HMCN1: variants seen among roughly 807,000 people sequenced by gnomAD.
The protein encoded by HMCN1 is hemicentin 1.
Under a neutral mutation model 625.9 loss-of-function variants are expected in HMCN1, and 321 were observed. The ratio of observed to expected loss-of-function variants is 0.51; its 90% CI spans 0.47 to 0.56. The LOEUF is 0.56. HMCN1 is among the 20% of genes least tolerant of loss of function. HMCN1 has a pLI of 0.00. For synonymous variants in HMCN1, 2,425 were observed against 2,417.6 expected, an observed-to-expected ratio of 1.00 and a Z score of -0.09; for missense variants, 6,588 against 6,887.3, an observed-to-expected ratio of 0.96 and a Z score of 1.54.
chr1:186,154,691 A>G lies in HMCN1; in HGVS notation c.15256+704A>G, dbSNP rs572306481. ...CCTAAACTAGTCAAAAAGAATTTCT[A>G]TATTTTAAAAGCAGCTTTTTAAAAC... On this transcript the variant is annotated intron_variant, in intron 97 of 106. Coordinates refer to ENST00000271588, the MANE Select transcript of HMCN1 (RefSeq NM_031935.3). Among the ~76,000 whole-genome samples, 5 of 152,328 alleles carry G rather than the reference A, an allele frequency of 3.3e-5. No individual in the cohort carries two copies. The East Asian group carries it at 9.7e-4, about 29-fold the overall frequency.
chr1:185,941,025 G>A (rs1161316047), intron 11 of HMCN1, among the ~76,000 whole-genome samples: 2 of 152,126 alleles, frequency 1.3e-5, no homozygotes, highest in African/African-American at 4.8e-5. Context: ...GCCTCCCAAG[G>A]TGTGTATTTT....
At chr1:186,006,337 A>G (rs889746825) in intron 29 of HMCN1, among the ~76,000 whole-genome samples, 3 of 152,150 alleles carry the variant, frequency 2.0e-5, no homozygotes, top group Admixed American at 2.0e-4. Flanking sequence ...TATGTGGCTA[A>G]GTCATTGCAA....
chr1:185,734,731 G>C lies in HMCN1; in HGVS notation c.-49G>C, dbSNP rs374329749. 28 of 1,592,384 alleles carry C rather than the reference G, an allele frequency of 1.8e-5. No homozygotes were observed. In the African/African-American group the frequency reaches 3.2e-4, roughly 18 times the overall value. On this transcript the variant is annotated 5_prime_UTR_variant, in exon 1 of 107. Transcript: ENST00000271588. ...TCTGCCTGTTGTTGAGGAGGACTGA[G>C]CACAGTGCTTAGGCGCTGAGGGGGA... is the stretch of plus-strand genomic sequence containing the variant.
At chr1:186,173,640 CAAAAAAAAAAAAAAAGAAA>C (rs1232746472) in intron 102 of HMCN1, among the ~76,000 whole-genome samples, 1 of 74,700 alleles carries the variant, frequency 1.3e-5, no homozygotes, top group Non-Finnish European at 2.6e-5. Context: ...GACTCCATCT[CAAAAAAAAAAAAAAAGAAA>C]AAAGAAAAAA....
intron 11 of HMCN1, among the ~76,000 whole-genome samples, chr1:185,940,575 A>T (rs987485289): frequency 2.0e-5 from 3 of 152,334 alleles, no homozygotes; most frequent in Admixed American, 6.5e-5. Flanking sequence ...TCTTTGTGCA[A>T]ACTTGGCCTT....
intron 53 of HMCN1, 24 bp downstream of exon 53, chr1:186,074,915 A>G (rs1307790280): frequency 3.9e-6 from 6 of 1,551,348 alleles, no homozygotes; most frequent in South Asian, 1.1e-5. Flanking sequence ...CTTATTGTAT[A>G]TAATGTAATT....
Position 186,128,096 on chromosome 1 carries a change from T to A in HMCN1, c.12709T>A (p.Tyr4237Asn). The A allele has an allele frequency of 6.2e-7, 1 of 1,613,502 alleles. No homozygotes were observed. Among genetic ancestry groups the A allele is most frequent in the East Asian group, 2.2e-5 (1 of 44,856 alleles). ...ENVVLEDSGF[Y>N]TCVANNAAGE... ...ATTTTAGCTGGAGGATTCTGGCTTC[T>A]ATACCTGTGTTGCTAACAATGCTGC... Residue 4237 changes from tyrosine to asparagine, a missense_variant, in exon 83 of 107, where the codon TAT becomes AAT. By Grantham distance (143) the Tyr-to-Asn change is moderately radical (BLOSUM62 -2). Around this residue, in one of 3 missense-constraint regions of HMCN1, gnomAD observed 1,954 missense variants for 2,013.1 expected, o/e 0.97. Coordinates refer to ENST00000271588, the MANE Select transcript of HMCN1 (RefSeq NM_031935.3).
At chr1:185,805,884 C>T (rs1285778822) in intron 1 of HMCN1, among the ~76,000 whole-genome samples, 1 of 152,102 alleles carries the variant, frequency 6.6e-6, no homozygotes, top group East Asian at 1.9e-4. Context: ...CTAATCATTA[C>T]CATTTGGTGC....
chr1:186,011,087 C>T (rs1247784665), intron 30 of HMCN1, among the ~76,000 whole-genome samples: 1 of 151,966 alleles, frequency 6.6e-6, no homozygotes, highest in Non-Finnish European at 1.5e-5. Flanking sequence ...TCGCTGTCAC[C>T]CAGGCTGGAG....
intron 30 of HMCN1, among the ~76,000 whole-genome samples, chr1:186,012,125 G>GA (rs34706091): frequency 0.4 from 60,405 of 151,644 alleles, 13,062 homozygotes; most frequent in Non-Finnish European, 0.48. Context: ...AATGACACCT[G>GA]ATCTTTTACA....
intron 1 of HMCN1, among the ~76,000 whole-genome samples, chr1:185,772,714 C>T (rs1014991511): frequency 2.0e-5 from 3 of 151,882 alleles, no homozygotes; most frequent in African/African-American, 7.3e-5. Context: ...TCCATTTGTG[C>T]TGCTATAACA....
rs750279031 is a variant in HMCN1, at chr1:186,090,786, T to A, written c.9756T>A (p.Ile3252=). ...QVPPSVAGAE[I]PSDVSVLLGE... ...CTCCAAGTGTTGCTGGTGCTGAAAT[T>A]CCAAGTGATGTCAGTGTCCTTCTAG... Residue 3252 remains isoleucine (I), a synonymous_variant, in exon 64 of 107, where the codon ATT becomes ATA. Coordinates refer to ENST00000271588, the MANE Select transcript of HMCN1 (RefSeq NM_031935.3). 9.3e-6 allele frequency: 15 copies of A among 1,612,554 alleles called. No individual in the cohort carries two copies. The highest frequency in any genetic ancestry group is 1.3e-5 in the Non-Finnish European group (15 of 1,178,980).
chr1:185,951,017 T>C (rs1218090110), intron 11 of HMCN1, among the ~76,000 whole-genome samples: 1 of 151,488 alleles, frequency 6.6e-6, no homozygotes, highest in Non-Finnish European at 1.5e-5. Context: ...TTAATCTTTT[T>C]AAAGCGTGCT....
At chr1:186,148,151 ATTCCATATCAAACAACCAT>A (rs1303905269) in intron 93 of HMCN1, among the ~76,000 whole-genome samples, 2 of 152,220 alleles carry the variant, frequency 1.3e-5, no homozygotes, top group Admixed American at 1.3e-4. Context: ...TCAGGAGTAG[ATTCCATATCAAACAACCAT>A]TTTCTTTGTT....
At chr1:185,955,597 G>T (rs994468917) in intron 11 of HMCN1, among the ~76,000 whole-genome samples, 2 of 152,158 alleles carry the variant, frequency 1.3e-5, no homozygotes, top group Non-Finnish European at 2.9e-5. Flanking sequence ...TATTATTGAT[G>T]CTGCTAATTT....
intron 80 of HMCN1, among the ~76,000 whole-genome samples, chr1:186,122,180 T>C (rs1037853337): frequency 6.6e-6 from 1 of 152,218 alleles, no homozygotes; most frequent in Non-Finnish European, 1.5e-5. Context: ...CTCAGAGGCA[T>C]GAAAAATTCT....
chr1:186,058,938 C>T (rs149967540), intron 46 of HMCN1, among the ~76,000 whole-genome samples: 35 of 152,080 alleles, frequency 2.3e-4, no homozygotes, highest in African/African-American at 7.9e-4. Flanking sequence ...GTCTATAATA[C>T]TCACTATATT....
intron 52 of HMCN1, 67 bp downstream of exon 52, chr1:186,070,824 T>C (rs1658434599): frequency 1.4e-6 from 2 of 1,461,238 alleles, no homozygotes; most frequent in Non-Finnish European, 1.9e-6. Context: ...TGAAAAGAAA[T>C]AATAAAATAG....
At chr1:185,828,474 G>T (rs1660658544) in intron 1 of HMCN1, among the ~76,000 whole-genome samples, 1 of 152,078 alleles carries the variant, frequency 6.6e-6, no homozygotes, top group Non-Finnish European at 1.5e-5. Flanking sequence ...AAACATATTA[G>T]AGTAAGAGAC....
Sources: allele counts gnomAD v4.1 joint callset (sites outside exome capture counted in the v4.1 genomes callset), GRCh38; gene constraint gnomAD v4.1.1; regional missense constraint gnomAD v4.1.1; transcripts MANE v1.5; gene names NCBI Gene and HGNC (gene_info 2026-07-23, HGNC 2026-07-21).